CMIP: variants seen among roughly 807,000 people sequenced by gnomAD.
CMIP encodes the protein C-Maf-inducing protein.
CMIP carries 13 observed loss-of-function variants against 97.3 expected under a neutral mutation model. That is an observed-to-expected ratio of 0.13 (90% confidence interval 0.09 to 0.21). The LOEUF is 0.21. Among genes scored for constraint, CMIP ranks in the 10% least tolerant of loss-of-function variants. CMIP has a pLI of 1.00. For missense variants in CMIP, 847 were observed against 1,024.9 expected, an observed-to-expected ratio of 0.83 and a Z score of 2.37; for synonymous variants, 538 against 436.3, an observed-to-expected ratio of 1.23 and a Z score of -2.91.
chr16:81,562,102 A>G (rs545224056), intron 1 of CMIP, among the ~76,000 whole-genome samples: 6 of 152,212 alleles, frequency 3.9e-5, no homozygotes, highest in Non-Finnish European at 4.4e-5. Context: ...TGAGGGTTCC[A>G]TGGTTGTTGG....
chr16:81,591,231 A>G (rs941800533), intron 1 of CMIP, among the ~76,000 whole-genome samples: 7 of 128,652 alleles, frequency 5.4e-5, no homozygotes, highest in African/African-American at 1.7e-4. Flanking sequence ...GGCATGGGTC[A>G]TTCGTGGGGA....
chr16:81,599,242 G>A (rs866429622), intron 1 of CMIP, among the ~76,000 whole-genome samples: 1 of 152,104 alleles, frequency 6.6e-6, no homozygotes, highest in Non-Finnish European at 1.5e-5. Flanking sequence ...GGGGCAAGGA[G>A]AGGTCATATT....
intron 1 of CMIP, among the ~76,000 whole-genome samples, chr16:81,490,132 G>C (rs2089382690): frequency 6.6e-6 from 1 of 152,224 alleles, no homozygotes; most frequent in African/African-American, 2.4e-5. Context: ...GGGGCTGTAA[G>C]AGGTTAGGTG....
chr16:81,640,637 G>A (rs1039411245), intron 3 of CMIP, among the ~76,000 whole-genome samples: 9 of 151,986 alleles, frequency 5.9e-5, no homozygotes, highest in African/African-American at 2.2e-4. Context: ...TCTAGGGGAG[G>A]GCCTTTTCCT....
At chr16:81,643,219 G>A (rs1275052450) in intron 3 of CMIP, among the ~76,000 whole-genome samples, 1 of 152,216 alleles carries the variant, frequency 6.6e-6, no homozygotes, top group East Asian at 1.9e-4. Flanking sequence ...GAGGGCTCAA[G>A]GACATCTGTC....
At chr16:81,704,304 CCTCCTCCCTGTCCCCCTTACT>C (rs1907798347) in intron 18 of CMIP, among the ~76,000 whole-genome samples, 1 of 54,440 alleles carries the variant, frequency 1.8e-5, no homozygotes, top group Non-Finnish European at 3.7e-5. Flanking sequence ...GCCCCCTCAC[CCTCCTCCCTGTCCCCCTTACT>C]CTCCTCCCTG....
intron 11 of CMIP, 121 bp downstream of exon 11, chr16:81,691,961 T>C: frequency 1.2e-6 from 1 of 856,952 alleles, no homozygotes; most frequent in Non-Finnish European, 1.9e-6. Flanking sequence ...GGGAAGACCC[T>C]GGAGACGTCG....
chr16:81,572,859 C>A (rs2091118823), intron 1 of CMIP, among the ~76,000 whole-genome samples: 1 of 152,178 alleles, frequency 6.6e-6, no homozygotes, highest in South Asian at 2.1e-4. Flanking sequence ...CCAGCATTAG[C>A]ACCAGCATCA....
At position 81,447,236 on chromosome 16, in the gene CMIP, C is replaced by CT. The variant is rs147206378; in HGVS notation, c.300+1710dup. Among the ~76,000 whole-genome samples, 888 of 136,330 alleles carry CT rather than the reference C, an allele frequency of 6.5e-3. 2 individuals carry two copies. Among genetic ancestry groups the CT allele is most frequent in the Non-Finnish European group, 8.1e-3 (509 of 62,662 alleles). The allele number at this position is 136,330 out of a possible 152,430, so 89.4% of individuals were successfully genotyped here. ...CCTGGCTCAGGGGGACTTTATTGGG[C>CT]TTTTTTTTTTTTTTTCCTCTTACAC... On this transcript the variant is annotated intron_variant, in intron 1 of 20. Coordinates refer to ENST00000537098, the MANE Select transcript of CMIP (RefSeq NM_198390.3).
intron 1 of CMIP, among the ~76,000 whole-genome samples, chr16:81,594,750 A>G (rs1012252475): frequency 2.7e-5 from 4 of 148,534 alleles, no homozygotes; most frequent in African/African-American, 5.0e-5. Context: ...AGTAGTTGGG[A>G]CTACAGGCGC....
At chr16:81,629,368 T>G (rs2092122206) in intron 3 of CMIP, among the ~76,000 whole-genome samples, 2 of 151,918 alleles carry the variant, frequency 1.3e-5, no homozygotes, top group Non-Finnish European at 2.9e-5. Context: ...AAACTTGAGG[T>G]TTGGAAGCCC....
chr16:81,576,765 C>G (rs1186929639), intron 1 of CMIP, among the ~76,000 whole-genome samples: 2 of 152,162 alleles, frequency 1.3e-5, no homozygotes. Context: ...GTGAGTCCCA[C>G]TCCCATGACT....
chr16:81,660,854 G>C (rs763778651), intron 5 of CMIP, 30 bp from the exon 6 acceptor site: 5 of 1,613,708 alleles, frequency 3.1e-6, no homozygotes, highest in Non-Finnish European at 4.2e-6. Context: ...TCTACCCCAC[G>C]GTTCCTGATG....
At chr16:81,696,441 A>G in intron 13 of CMIP, 119 bp from the exon 14 acceptor site, 2 of 965,394 alleles carry the variant, frequency 2.1e-6, no homozygotes, top group Non-Finnish European at 3.1e-6. Flanking sequence ...AACAAAGTTA[A>G]GCGGGTTTCT....
chr16:81,456,080 A>C (rs1173008067), intron 1 of CMIP, among the ~76,000 whole-genome samples: 1 of 152,160 alleles, frequency 6.6e-6, no homozygotes, highest in African/African-American at 2.4e-5. Flanking sequence ...TGGTTGGTTC[A>C]TGTTTCACGA....
intron 3 of CMIP, among the ~76,000 whole-genome samples, chr16:81,638,823 G>A (rs549279284): frequency 2.0e-4 from 30 of 152,224 alleles, no homozygotes; most frequent in African/African-American, 7.0e-4. Context: ...CAGGAGGACA[G>A]GAGGGGCGGG....
intron 1 of CMIP, among the ~76,000 whole-genome samples, chr16:81,593,961 T>G: frequency 7.3e-6 from 1 of 136,994 alleles, no homozygotes; most frequent in East Asian, 2.4e-4. Context: ...CCCCCTACCA[T>G]ACCTTTCCTC....
chr16:81,640,299 C>G (rs1200466070), intron 3 of CMIP, among the ~76,000 whole-genome samples: 3 of 132,674 alleles, frequency 2.3e-5, no homozygotes, highest in Non-Finnish European at 3.4e-5. Flanking sequence ...CCCCCCCCCC[C>G]AATTCCCCAG....
At chr16:81,592,255 G>A (rs765915971) in intron 1 of CMIP, among the ~76,000 whole-genome samples, 4 of 152,204 alleles carry the variant, frequency 2.6e-5, no homozygotes, top group African/African-American at 4.8e-5. Context: ...TTGGGCAGTC[G>A]AGGGCTATCT....
Sources: gnomAD v4.1 joint callset for allele counts (sites outside exome capture counted in the v4.1 genomes callset) on GRCh38, gnomAD v4.1.1 for gene constraint, MANE v1.5 for transcripts, NCBI Gene and HGNC (gene_info 2026-07-23, HGNC 2026-07-21) for gene names.